TTC12: variants seen among roughly 807,000 people sequenced by gnomAD.
TTC12 encodes tetratricopeptide repeat domain 12.
Under a neutral mutation model 90.1 loss-of-function variants are expected in TTC12, and 70 were observed. The ratio of observed to expected loss-of-function variants is 0.78; its 90% CI spans 0.64 to 0.95. The LOEUF is 0.95. Among genes scored for constraint, TTC12 ranks in the 40% least tolerant of loss-of-function variants. The probability of loss-of-function intolerance (pLI) is 0.00; values close to 1 mark genes in which losing one functional copy is unlikely to be tolerated. For missense variants in TTC12, 819 were observed against 846.1 expected (o/e 0.97, Z 0.40); for synonymous variants, 296 against 311.5 (o/e 0.95, Z 0.53).
chr11:113,328,767 A>G (rs1947848413), intron 6 of TTC12, among the ~76,000 whole-genome samples: 2 of 152,316 alleles, frequency 1.3e-5, no homozygotes, highest in East Asian at 1.9e-4. Flanking sequence ...TCCATCTTCA[A>G]CTGTCAACTC....
At chr11:113,338,318 C>T (rs983210185) in intron 8 of TTC12, among the ~76,000 whole-genome samples, 6 of 152,164 alleles carry the variant, frequency 3.9e-5, no homozygotes, top group African/African-American at 1.2e-4. Context: ...CGGTTCTCTT[C>T]GCAGCTTGTA....
chr11:113,373,098 G>A, intron 21 of TTC12: 1 of 617,504 alleles, frequency 1.6e-6, no homozygotes. Flanking sequence ...AATGAAACGG[G>A]TTCTATCATT....
intron 11 of TTC12, chr11:113,341,509 C>T (rs917596468): frequency 1.9e-5 from 6 of 312,630 alleles, no homozygotes; most frequent in Non-Finnish European, 3.6e-5. Context: ...TTCTGGTGTG[C>T]TTCCTGAGGC....
chr11:113,329,691 C>T, intron 6 of TTC12: 1 of 606,068 alleles, frequency 1.6e-6, no homozygotes, highest in Non-Finnish European at 3.1e-6. Flanking sequence ...CTGTAGCATC[C>T]CTTGTCAGGT....
At chr11:113,363,295 G>A (rs560914898) in intron 19 of TTC12, among the ~76,000 whole-genome samples, 8 of 152,304 alleles carry the variant, frequency 5.3e-5, no homozygotes, top group African/African-American at 1.9e-4. Flanking sequence ...GCTCCTGATG[G>A]CATGCATACC....
In TTC12 at chr11:113,363,919, T is replaced by C. The variant is rs749895362; in HGVS notation, c.1808T>C (p.Leu603Pro). The change falls in exon 20 of 22, where the codon CTG becomes CCG. Residue 603 changes from leucine to proline, a missense_variant. By Grantham distance (98) the Leu-to-Pro change is moderately conservative. Transcript: ENST00000529221. The stretch of plus-strand genomic sequence containing the variant: ...GAAGCTCGGGAAGAAGTAATAAGAC[T>C]GGATAAAAGTAAGTGATGATTTCCT... ...YHEAREEVIR[L>P]DKKLSVMMKL... 3 of 1,609,922 alleles carry C rather than the reference T, an allele frequency of 1.9e-6. No individual in the cohort carries two copies. The highest frequency in any genetic ancestry group is 1.7e-5 in the Admixed American group (1 of 59,980).
At chr11:113,337,875 T>G (rs1948459096) in intron 8 of TTC12, among the ~76,000 whole-genome samples, 1 of 152,000 alleles carries the variant, frequency 6.6e-6, no homozygotes. Flanking sequence ...TTACTGACAG[T>G]GAAGCCAACA....
chr11:113,367,819 G>A (rs1950262430), downstream of TTC12, among the ~76,000 whole-genome samples: 1 of 150,438 alleles, frequency 6.6e-6, no homozygotes. Context: ...CTCTGTGGTG[G>A]CGCCCTGGGT....
intron 12 of TTC12, 38 bp from the exon 13 acceptor site, chr11:113,344,234 A>G: frequency 6.3e-7 from 1 of 1,579,076 alleles, no homozygotes. Context: ...AATTGCCATG[A>G]TGGCATGCAC....
chr11:113,347,118 C>T (rs1949014008), intron 13 of TTC12, among the ~76,000 whole-genome samples: 1 of 152,222 alleles, frequency 6.6e-6, no homozygotes, highest in Admixed American at 6.5e-5. Context: ...ACTGTTGTCT[C>T]ATCTGTGCTA....
At chr11:113,326,810 G>A (rs1555141198) in intron 6 of TTC12, among the ~76,000 whole-genome samples, 1 of 152,108 alleles carries the variant, frequency 6.6e-6, no homozygotes, top group South Asian at 2.1e-4. Context: ...TAAACTTTTT[G>A]AGGGCAAAAA....
At chr11:113,369,277 C>T (rs1388846400), downstream of TTC12, among the ~76,000 whole-genome samples, 4 of 152,082 alleles carry the variant, frequency 2.6e-5, no homozygotes, top group East Asian at 5.8e-4. Flanking sequence ...GGCATGCGTC[C>T]GTATCCCAAA....
chr11:113,361,363 T>G (rs1249294657), intron 18 of TTC12, among the ~76,000 whole-genome samples: 2 of 152,254 alleles, frequency 1.3e-5, no homozygotes, highest in East Asian at 3.8e-4. Context: ...TAAGTAATTT[T>G]AACAAGTTTC....
intron 8 of TTC12, 84 bp from the exon 9 acceptor site, chr11:113,338,690 C>T: frequency 9.9e-7 from 1 of 1,012,678 alleles, no homozygotes; most frequent in Non-Finnish European, 1.5e-6. Flanking sequence ...AATAATGAAG[C>T]AGCCAAGCCC....
chr11:113,371,985 GC>G (rs1251783613), intron 21 of TTC12, among the ~76,000 whole-genome samples: 1 of 152,160 alleles, frequency 6.6e-6, no homozygotes, highest in Non-Finnish European at 1.5e-5. Flanking sequence ...TCCATAGATG[GC>G]CCCACCCGGC....
chr11:113,351,715 A>G (rs921263185), intron 15 of TTC12, among the ~76,000 whole-genome samples: 9 of 152,178 alleles, frequency 5.9e-5, no homozygotes, highest in Non-Finnish European at 1.2e-4. Context: ...GTGTGTTGCA[A>G]CTGGAGCCTA....
chr11:113,359,186 C>T (rs1949782119), intron 16 of TTC12, among the ~76,000 whole-genome samples, 177 bp from the exon 17 acceptor site: 1 of 151,670 alleles, frequency 6.6e-6, no homozygotes. Flanking sequence ...CCTTCCAAGT[C>T]TCCTGGACCA....
At position 113,362,506 on chromosome 11, in the gene TTC12, AG is replaced by A. The variant is rs782792170; in HGVS notation, c.1716+5del. 68 of 1,588,720 alleles carry A rather than the reference AG, an allele frequency of 4.3e-5. No individual in the cohort carries two copies. In the South Asian group the frequency reaches 7.2e-4, roughly 17 times the overall value. On this transcript the variant is annotated splice_donor_5th_base_variant and intron_variant, in intron 19 of 21. Coordinates refer to ENST00000529221, the MANE Select transcript of TTC12 (RefSeq NM_017868.4). ...GAAAATGATGAAATTCCTGAAGGTA[AG>A]ATCACTTTATTGGTTACAACCCCTG...
intron 12 of TTC12, among the ~76,000 whole-genome samples, chr11:113,343,289 T>C (rs1276687679): frequency 1.3e-5 from 2 of 152,224 alleles, no homozygotes; most frequent in Middle Eastern, 6.3e-3. Flanking sequence ...CTGTGTTGTT[T>C]GAATTATTTA....
Sources: allele counts gnomAD v4.1 joint callset (sites outside exome capture counted in the v4.1 genomes callset), GRCh38; gene constraint gnomAD v4.1.1; transcripts MANE v1.5; gene names NCBI Gene and HGNC (gene_info 2026-07-23, HGNC 2026-07-21).